Variants in NAV2 observed in about 807,000 individuals in gnomAD.
NAV2 encodes the protein helicase, APC down-regulated 1.
A neutral mutation model predicts 223.2 loss-of-function variants in NAV2; 54 were observed. The ratio of observed to expected loss-of-function variants is 0.24; its 90% CI spans 0.19 to 0.30. The LOEUF (loss-of-function observed/expected upper bound fraction) is 0.30. NAV2 is among the 10% of genes least tolerant of loss of function. NAV2 has a pLI of 1.00. For missense variants in NAV2, 2,806 were observed against 3,147.5 expected (o/e 0.89, Z 2.60); for synonymous variants, 1,279 against 1,239.3 (o/e 1.03, Z -0.67).
intron 36 of NAV2, among the ~76,000 whole-genome samples, chr11:20,110,268 A>G (rs543764336): frequency 1.3e-5 from 2 of 152,356 alleles, no homozygotes; most frequent in South Asian, 4.1e-4. Flanking sequence ...AAGTGGCTCA[A>G]AAGTGAGTCA....
At chr11:19,800,136 T>C (rs2058151770) in intron 1 of NAV2, among the ~76,000 whole-genome samples, 1 of 152,218 alleles carries the variant, frequency 6.6e-6, no homozygotes, top group Non-Finnish European at 1.5e-5. Context: ...CAACCTCTTC[T>C]ATCCATCGCC....
intron 1 of NAV2, among the ~76,000 whole-genome samples, chr11:19,570,586 C>T (rs1211245458): frequency 6.6e-6 from 1 of 152,080 alleles, no homozygotes; most frequent in African/African-American, 2.4e-5. Context: ...TAAAAAAGAC[C>T]TGATTAAAAT....
chr11:19,549,543 C>T (rs1358939081), intron 1 of NAV2, among the ~76,000 whole-genome samples: 2 of 152,136 alleles, frequency 1.3e-5, no homozygotes, highest in African/African-American at 2.4e-5. Context: ...GGGCAGGTAC[C>T]GTGAGAGAGC....
chr11:19,558,379 AG>A (rs1298177933), intron 1 of NAV2, among the ~76,000 whole-genome samples: 4 of 152,200 alleles, frequency 2.6e-5, no homozygotes, highest in African/African-American at 4.8e-5. Flanking sequence ...AAAGGCTGGC[AG>A]GGCCTCTCTC....
intron 11 of NAV2, among the ~76,000 whole-genome samples, chr11:20,035,010 G>A (rs1838506429): frequency 6.6e-6 from 1 of 152,152 alleles, no homozygotes; most frequent in Non-Finnish European, 1.5e-5. Flanking sequence ...GGGTCTTGAG[G>A]GGCCATATAG....
chr11:19,869,702 G>A (rs1565464046), intron 4 of NAV2, among the ~76,000 whole-genome samples: 1 of 152,158 alleles, frequency 6.6e-6, no homozygotes, highest in Non-Finnish European at 1.5e-5. Context: ...AAGCTCATTA[G>A]GCTGCACCTG....
At chr11:19,994,348 G>T (rs1216962175) in intron 11 of NAV2, among the ~76,000 whole-genome samples, 1 of 151,902 alleles carries the variant, frequency 6.6e-6, no homozygotes, top group Admixed American at 6.6e-5. Context: ...GGAGTTCGAG[G>T]CTAGCCTAGC....
intron 1 of NAV2, among the ~76,000 whole-genome samples, chr11:19,815,184 T>C (rs1048968804): frequency 3.3e-5 from 5 of 152,184 alleles, no homozygotes; most frequent in Admixed American, 2.0e-4. Flanking sequence ...TCATTTTCCA[T>C]GTGAGCCACT....
intron 1 of NAV2, among the ~76,000 whole-genome samples, chr11:19,604,634 C>T (rs1329091769): frequency 6.6e-6 from 1 of 152,178 alleles, no homozygotes. Flanking sequence ...ACACTTGTAG[C>T]AGCCTCATGA....
intron 8 of NAV2, among the ~76,000 whole-genome samples, chr11:19,940,362 C>A (rs2046308950): frequency 6.6e-6 from 1 of 152,146 alleles, no homozygotes; most frequent in Non-Finnish European, 1.5e-5. Context: ...GTTAATTCTG[C>A]AAGCATTTAT....
intron 6 of NAV2, among the ~76,000 whole-genome samples, chr11:19,921,590 T>C (rs909788302): frequency 6.6e-6 from 1 of 152,242 alleles, no homozygotes; most frequent in Non-Finnish European, 1.5e-5. Flanking sequence ...ATGAAAATAC[T>C]ATATCTTGTA....
In NAV2 at chr11:19,926,124, C is replaced by G. The variant is rs116076071; in HGVS notation, c.932-7052C>G. The stretch of plus-strand genomic sequence containing the variant: ...TATGTCTGGAAAAAAAAGAAAGTCA[C>G]TGGAATTTTGATAAGGATTGCATTA... On this transcript the variant is annotated intron_variant, in intron 6 of 37. Transcript: ENST00000349880. 8.3e-3 allele frequency among the ~76,000 whole-genome samples: 1,269 copies of G among 152,242 alleles called. 25 individuals are homozygous for G. The highest frequency in any genetic ancestry group is 0.03 in the African/African-American group (1,227 of 41,540).
At chr11:19,506,842 C>T (rs1314400379) in intron 1 of NAV2, 1 of 152,130 alleles carries the variant, frequency 6.6e-6, no homozygotes, top group Non-Finnish European at 1.5e-5. Flanking sequence ...ATTTGAGGGG[C>T]TCACTGATAA....
intron 1 of NAV2, among the ~76,000 whole-genome samples, chr11:19,770,825 A>G (rs1303640694): frequency 1.3e-5 from 2 of 152,176 alleles, no homozygotes; most frequent in African/African-American, 4.8e-5. Context: ...CCTTCTGGTA[A>G]TACTTAAAAG....
chr11:19,675,742 G>A (rs181685120), intron 1 of NAV2, among the ~76,000 whole-genome samples: 1 of 152,108 alleles, frequency 6.6e-6, no homozygotes, highest in Non-Finnish European at 1.5e-5. Context: ...ATGTGTTTTA[G>A]CTCTACTCCC....
intron 1 of NAV2, among the ~76,000 whole-genome samples, chr11:19,665,799 AC>A (rs1355296486): frequency 6.6e-6 from 1 of 152,210 alleles, no homozygotes; most frequent in Non-Finnish European, 1.5e-5. Flanking sequence ...CTTATAAATA[AC>A]TTTTTTAATC....
At chr11:19,348,744 A>G (rs531351033), upstream of NAV2, among the ~76,000 whole-genome samples, 3 of 152,288 alleles carry the variant, frequency 2.0e-5, no homozygotes, top group South Asian at 6.2e-4. Context: ...TGATCTTTCC[A>G]ATTTTGTGTG....
Position 20,093,728 on chromosome 11 carries a change from A to C in NAV2, c.5916+529A>C, listed in dbSNP as rs145055953. On this transcript the variant is annotated intron_variant, in intron 29 of 37. Coordinates refer to ENST00000349880, the MANE Select transcript of NAV2 (RefSeq NM_145117.5). ...CGTCCTGACTCCCCAAGGCTGGGGA[A>C]TCCGAGTTTTCCTAGTACGGTTTCT... 5.8e-3 allele frequency among the ~76,000 whole-genome samples: 877 copies of C among 152,274 alleles called. 6 individuals carry two copies. The highest frequency in any genetic ancestry group is 0.02 in the African/African-American group (836 of 41,562).
chr11:19,914,906 CTTTTG>C (rs1269912842), intron 6 of NAV2, among the ~76,000 whole-genome samples: 1 of 152,324 alleles, frequency 6.6e-6, no homozygotes, highest in African/African-American at 2.4e-5. Flanking sequence ...CCATGGCCAC[CTTTTG>C]TTTTGTTCTT....
Sources: gnomAD v4.1 joint callset for allele counts (sites outside exome capture counted in the v4.1 genomes callset) on GRCh38, gnomAD v4.1.1 for gene constraint, MANE v1.5 for transcripts, NCBI Gene and HGNC (gene_info 2026-07-23, HGNC 2026-07-21) for gene names.